Variants in PPP2R3A observed in about 807,000 individuals in gnomAD.
PPP2R3A encodes serine/threonine-protein phosphatase 2A regulatory subunit B'' subunit alpha.
Under a neutral mutation model 106.9 loss-of-function variants are expected in PPP2R3A, and 80 were observed. The ratio of observed to expected loss-of-function variants is 0.75; its 90% CI spans 0.62 to 0.90. PPP2R3A has a LOEUF of 0.90. PPP2R3A is among the 40% of genes least tolerant of loss of function. The pLI, the probability that PPP2R3A is intolerant of heterozygous loss-of-function variation, is 0.00. For missense variants in PPP2R3A, 1,386 were observed against 1,350.4 expected, an observed-to-expected ratio of 1.03 and a Z score of -0.41; for synonymous variants, 483 against 468.3, an observed-to-expected ratio of 1.03 and a Z score of -0.41.
intron 10 of PPP2R3A, among the ~76,000 whole-genome samples, chr3:136,100,877 C>G (rs1269942526): frequency 6.6e-6 from 1 of 152,072 alleles, no homozygotes; most frequent in African/African-American, 2.4e-5. Context: ...ACCTCTAATT[C>G]TATAACTAGC....
At chr3:136,083,364 G>A (rs1936838948) in intron 8 of PPP2R3A, among the ~76,000 whole-genome samples, 1 of 152,160 alleles carries the variant, frequency 6.6e-6, no homozygotes, top group Admixed American at 6.5e-5. Context: ...TCTCATGAGA[G>A]CTGATGGTTT....
chr3:136,056,257 G>A (rs1200793692), intron 5 of PPP2R3A, among the ~76,000 whole-genome samples: 2 of 152,122 alleles, frequency 1.3e-5, no homozygotes, highest in Non-Finnish European at 2.9e-5. Context: ...AATAGAATAT[G>A]ATGACCTGGA....
chr3:136,134,718 G>C (rs958026347), intron 13 of PPP2R3A, among the ~76,000 whole-genome samples: 1 of 152,022 alleles, frequency 6.6e-6, no homozygotes. Context: ...TGTAATGAGC[G>C]TGTACTGTAT....
chr3:135,985,374 T>TCCTCTCTC (rs139745267), intron 1 of PPP2R3A, among the ~76,000 whole-genome samples: 1,705 of 135,044 alleles, frequency 0.013, 17 homozygotes, highest in African/African-American at 0.021. Flanking sequence ...CTCTCTCCCT[T>TCCTCTCTC]CCTCTCTCCC....
chr3:135,982,219 A>G, intron 1 of PPP2R3A, among the ~76,000 whole-genome samples: 1 of 152,028 alleles, frequency 6.6e-6, no homozygotes, highest in East Asian at 1.9e-4. Context: ...ACTTGCAAAC[A>G]AGTTCATAGC....
intron 10 of PPP2R3A, among the ~76,000 whole-genome samples, chr3:136,097,089 C>T (rs1191325250): frequency 1.3e-5 from 2 of 152,084 alleles, no homozygotes; most frequent in African/African-American, 4.8e-5. Context: ...AAATCTAACA[C>T]TAGTGCTCTC....
In PPP2R3A at chr3:136,146,464, C is replaced by T. The variant is rs981900356; in HGVS notation, c.*1298C>T. On this transcript the variant is annotated 3_prime_UTR_variant, in exon 14 of 14. Coordinates refer to ENST00000264977, the MANE Select transcript of PPP2R3A (RefSeq NM_002718.5). ...GGTTCCCTCCTTGCTGGCATAAAGG[C>T]CAAGCAGTGAAATGAACCTTGGGTT... 2.6e-5 allele frequency: 4 copies of T among 152,012 alleles called. No homozygotes were observed. Among genetic ancestry groups the T allele is most frequent in the Non-Finnish European group, 5.9e-5 (4 of 68,000 alleles). The allele number at this position is 152,012 out of a possible 1,614,324, so 9.4% of individuals were successfully genotyped here.
At chr3:136,004,358 G>T (rs1221549971) in intron 2 of PPP2R3A, among the ~76,000 whole-genome samples, 1 of 152,156 alleles carries the variant, frequency 6.6e-6, no homozygotes, top group Non-Finnish European at 1.5e-5. Context: ...GTCTGATGGA[G>T]GCTCCATGTT....
chr3:136,091,217 G>A (rs962132543), intron 10 of PPP2R3A, among the ~76,000 whole-genome samples: 4 of 152,172 alleles, frequency 2.6e-5, no homozygotes, highest in Non-Finnish European at 4.4e-5. Flanking sequence ...ACAACGCACT[G>A]TAGTTTGTGC....
At chr3:136,140,442 T>TAAAAAAAAAAAAAAAAAAA (rs199699500) in intron 13 of PPP2R3A, among the ~76,000 whole-genome samples, 1 of 87,234 alleles carries the variant, frequency 1.1e-5, no homozygotes, top group African/African-American at 4.8e-5. Flanking sequence ...TGAGACTCTT[T>TAAAAAAAAAAAAAAAAAAA]AAAAAAAAAA....
In PPP2R3A at chr3:136,098,551, G is replaced by A. The variant is rs542378518; in HGVS notation, c.2928-3456G>A. On this transcript the variant is annotated intron_variant, in intron 10 of 13. Coordinates refer to ENST00000264977, the MANE Select transcript of PPP2R3A (RefSeq NM_002718.5). ...GCCTACAAGTGGGAATTTGAACAGC[G>A]GTCTCCTAGAACCTTCTCTTGAAAA... Among the ~76,000 whole-genome samples the A allele has an allele frequency of 2.4e-4, 36 of 152,176 alleles. No individual in the cohort carries two copies. The South Asian group carries it at 5.8e-3, about 25-fold the overall frequency.
intron 13 of PPP2R3A, among the ~76,000 whole-genome samples, chr3:136,120,489 G>A (rs1205646947): frequency 6.6e-6 from 1 of 152,074 alleles, no homozygotes; most frequent in African/African-American, 2.4e-5. Context: ...TAAGGAGGCC[G>A]AGGCAGGAGA....
chr3:136,134,240 T>A (rs1293432245), intron 13 of PPP2R3A, among the ~76,000 whole-genome samples: 2 of 152,180 alleles, frequency 1.3e-5, no homozygotes, highest in Non-Finnish European at 2.9e-5. Context: ...GACACGCACT[T>A]TCAAACATTG....
intron 7 of PPP2R3A, among the ~76,000 whole-genome samples, 194 bp from the exon 8 acceptor site, chr3:136,082,071 T>C (rs1388483177): frequency 6.6e-6 from 1 of 152,146 alleles, no homozygotes; most frequent in Non-Finnish European, 1.5e-5. Flanking sequence ...ACTGAGCATA[T>C]TACAGAGCTC....
intron 1 of PPP2R3A, among the ~76,000 whole-genome samples, chr3:135,969,623 G>A (rs758456883): frequency 1.3e-5 from 2 of 152,200 alleles, no homozygotes; most frequent in Non-Finnish European, 2.9e-5. Context: ...ATTTTTAGGT[G>A]TAAATTAAAG....
chr3:136,129,367 C>T (rs1297895070), intron 13 of PPP2R3A, among the ~76,000 whole-genome samples: 10 of 152,072 alleles, frequency 6.6e-5, no homozygotes, highest in Non-Finnish European at 1.3e-4. Flanking sequence ...TACAAACTAC[C>T]ATCAGAGAAT....
intron 3 of PPP2R3A, among the ~76,000 whole-genome samples, chr3:136,037,763 C>T (rs1935136378): frequency 6.6e-6 from 1 of 152,138 alleles, no homozygotes; most frequent in Non-Finnish European, 1.5e-5. Flanking sequence ...GACAACCTTG[C>T]TTTGGATTAT....
intron 1 of PPP2R3A, among the ~76,000 whole-genome samples, chr3:135,991,678 C>G (rs1197165283): frequency 6.6e-6 from 1 of 152,128 alleles, no homozygotes; most frequent in Non-Finnish European, 1.5e-5. Flanking sequence ...GTTCCCTAGA[C>G]CCCAGAGCCA....
chr3:136,001,705 C>G lies in PPP2R3A; in HGVS notation c.207C>G (p.Asn69Lys), dbSNP rs1378267956. ...PVSQFKDADL[N>K]SMFLPHENGL... is the part of the protein sequence containing the mutation. ...CTCAGTTCAAAGATGCAGATCTGAACTCTATGTTTCTACCCCATGAAAATG... is the reference window on the plus strand; with the variant it reads ...CTCAGTTCAAAGATGCAGATCTGAAGTCTATGTTTCTACCCCATGAAAATG... Residue 69 changes from asparagine (N) to lysine (K), a missense_variant, in exon 2 of 14, where the codon AAC becomes AAG. Transcript: ENST00000264977. 5 of 1,613,990 alleles carry G rather than the reference C, an allele frequency of 3.1e-6. No homozygotes were observed. Among genetic ancestry groups the G allele is most frequent in the Non-Finnish European group, 4.2e-6 (5 of 1,180,002 alleles).
Sources: gnomAD v4.1 joint callset for allele counts (sites outside exome capture counted in the v4.1 genomes callset) on GRCh38, gnomAD v4.1.1 for gene constraint, MANE v1.5 for transcripts, NCBI Gene and HGNC (gene_info 2026-07-23, HGNC 2026-07-21) for gene names.